TAOK1: variants seen among roughly 807,000 people sequenced by gnomAD.
TAOK1 encodes the protein TAO kinase 1.
A neutral mutation model predicts 138.3 loss-of-function variants in TAOK1; 21 were observed. The ratio of observed to expected loss-of-function variants is 0.15; its 90% CI spans 0.11 to 0.22. The LOEUF (loss-of-function observed/expected upper bound fraction) is 0.22, where lower values mean the gene tolerates loss of function less well. Ranked by LOEUF, TAOK1 falls within the 10% of genes least tolerant of loss-of-function variation. The pLI, the probability that TAOK1 is intolerant of heterozygous loss-of-function variation, is 1.00. For synonymous variants in TAOK1, 361 were observed against 398.4 expected, an observed-to-expected ratio of 0.91 and a Z score of 1.12; for missense variants, 651 against 1,227.7, an observed-to-expected ratio of 0.53 and a Z score of 7.02.
intron 15 of TAOK1, chr17:29,513,549 T>C (rs114005691): frequency 1.2e-4 from 19 of 152,308 alleles, no homozygotes; most frequent in African/African-American, 4.6e-4. Context: ...AGTTGTTGTG[T>C]ATGTATTTGT....
At chr17:29,535,665 G>A (rs1194215582) in intron 19 of TAOK1, among the ~76,000 whole-genome samples, 1 of 151,614 alleles carries the variant, frequency 6.6e-6, no homozygotes, top group Admixed American at 6.6e-5. Flanking sequence ...ACCAGCCTGG[G>A]CAACATGGCA....
intron 16 of TAOK1, among the ~76,000 whole-genome samples, chr17:29,522,036 T>C (rs1303518944): frequency 1.3e-5 from 2 of 152,202 alleles, no homozygotes; most frequent in South Asian, 2.1e-4. Context: ...CCTCTTGATA[T>C]AGATTTAGTC....
At chr17:29,417,013 T>TG (rs1905279766) in intron 1 of TAOK1, among the ~76,000 whole-genome samples, 1 of 152,076 alleles carries the variant, frequency 6.6e-6, no homozygotes, top group African/African-American at 2.4e-5. Flanking sequence ...CAGTTTTTTT[T>TG]TTTTGTTGTT....
Position 29,549,493 on chromosome 17 carries a change from A to G in TAOK1, c.*6471A>G, listed in dbSNP as rs1372025050. 1.3e-5 allele frequency: 2 copies of G among 152,218 alleles called. No homozygotes were observed. Among genetic ancestry groups the G allele is most frequent in the Non-Finnish European group, 2.9e-5 (2 of 68,030 alleles). The allele number at this position is 152,218 out of a possible 1,614,324, so 9.4% of individuals were successfully genotyped here. A position where few individuals can be genotyped will look rare whatever the true frequency, so the allele number is the denominator to read the frequency against. ...ACTTGAAAGCATGAAGACCAGTTAT[A>G]TAGGGAACAGGTTTCTCTCAGTGGC... is the stretch of plus-strand genomic sequence containing the variant. On this transcript the variant is annotated 3_prime_UTR_variant, in exon 20 of 20. Coordinates refer to ENST00000261716, the MANE Select transcript of TAOK1 (RefSeq NM_020791.4).
At chr17:29,400,115 C>T (rs530007974) in intron 1 of TAOK1, among the ~76,000 whole-genome samples, 5 of 152,114 alleles carry the variant, frequency 3.3e-5, no homozygotes, top group Admixed American at 2.6e-4. Flanking sequence ...CATTTCAGGC[C>T]GGGCGTGGTG....
intron 1 of TAOK1, among the ~76,000 whole-genome samples, chr17:29,427,947 G>T (rs573489383): frequency 9.0e-4 from 133 of 147,554 alleles, no homozygotes; most frequent in East Asian, 2.4e-3. Flanking sequence ...AAAAAAAGAA[G>T]AATAATTTTA....
intron 2 of TAOK1, among the ~76,000 whole-genome samples, chr17:29,453,841 T>C (rs574024279): frequency 6.6e-6 from 1 of 150,802 alleles, no homozygotes; most frequent in Admixed American, 6.6e-5. Context: ...GGTCTCTCAC[T>C]CTGTTGCCCA....
intron 3 of TAOK1, among the ~76,000 whole-genome samples, chr17:29,475,004 G>A (rs146618804): frequency 1.2e-3 from 187 of 152,080 alleles, no homozygotes; most frequent in African/African-American, 4.3e-3. Flanking sequence ...AGTGTGGCTC[G>A]ATCTCGGCTC....
chr17:29,408,117 A>G (rs1427095718), intron 1 of TAOK1, among the ~76,000 whole-genome samples: 1 of 151,696 alleles, frequency 6.6e-6, no homozygotes, highest in African/African-American at 2.4e-5. Context: ...TAGCCTTGCC[A>G]TATTGCCTAG....
chr17:29,393,095 G>T (rs1456398989), intron 1 of TAOK1, among the ~76,000 whole-genome samples: 1 of 151,940 alleles, frequency 6.6e-6, no homozygotes, highest in African/African-American at 2.4e-5. Context: ...TATTTCATGG[G>T]ACAAAGCTGC....
intron 3 of TAOK1, among the ~76,000 whole-genome samples, chr17:29,474,269 A>G (rs184189594): frequency 1.3e-5 from 2 of 152,326 alleles, no homozygotes; most frequent in Admixed American, 1.3e-4. Flanking sequence ...AACTTGTTTT[A>G]CCTTCTTATC....
intron 8 of TAOK1, among the ~76,000 whole-genome samples, chr17:29,484,733 T>C (rs2031133729): frequency 6.6e-6 from 1 of 152,142 alleles, no homozygotes. Flanking sequence ...GCCTCCCAAG[T>C]AGCTGGGACT....
At chr17:29,462,707 A>G (rs2030558213) in intron 2 of TAOK1, among the ~76,000 whole-genome samples, 1 of 152,224 alleles carries the variant, frequency 6.6e-6, no homozygotes, top group African/African-American at 2.4e-5. Flanking sequence ...TAATTGATGT[A>G]GTGATTTCAG....
intron 1 of TAOK1, chr17:29,424,938 A>G: frequency 6.6e-6 from 1 of 152,188 alleles, no homozygotes; most frequent in Non-Finnish European, 1.5e-5. Context: ...ATTATATACA[A>G]AATGTATTAC....
intron 8 of TAOK1, among the ~76,000 whole-genome samples, 173 bp downstream of exon 8, chr17:29,482,461 G>T (rs2031083997): frequency 6.6e-6 from 1 of 151,722 alleles, no homozygotes; most frequent in Non-Finnish European, 1.5e-5. Context: ...TTTATATTAG[G>T]GTTACCTATA....
chr17:29,409,519 G>A (rs1206858359), intron 1 of TAOK1, among the ~76,000 whole-genome samples: 1 of 151,616 alleles, frequency 6.6e-6, no homozygotes, highest in South Asian at 2.1e-4. Flanking sequence ...ATTTTTAGTA[G>A]AGATGGGGTT....
intron 2 of TAOK1, among the ~76,000 whole-genome samples, chr17:29,462,970 C>G (rs2030566032): frequency 6.6e-6 from 1 of 151,942 alleles, no homozygotes; most frequent in Non-Finnish European, 1.5e-5. Flanking sequence ...ACTTATAGTT[C>G]ATTTGGTTCT....
intron 1 of TAOK1, among the ~76,000 whole-genome samples, chr17:29,438,387 A>G (rs769608581): frequency 1.3e-5 from 2 of 152,208 alleles, no homozygotes; most frequent in African/African-American, 2.4e-5. Context: ...AAATACCTAT[A>G]AAGCTATCTG....
intron 1 of TAOK1, among the ~76,000 whole-genome samples, chr17:29,404,891 G>C (rs537586997): frequency 6.6e-6 from 1 of 152,246 alleles, no homozygotes; most frequent in South Asian, 2.1e-4. Context: ...ATTCAAGTTA[G>C]GTGGAATGAT....
Sources: gnomAD v4.1 joint callset for allele counts (sites outside exome capture counted in the v4.1 genomes callset) on GRCh38, gnomAD v4.1.1 for gene constraint, MANE v1.5 for transcripts, NCBI Gene and HGNC (gene_info 2026-07-23, HGNC 2026-07-21) for gene names.